The following PTPRK variants were observed in gnomAD, a reference collection of about 807,000 sequenced individuals.
PTPRK encodes receptor-type tyrosine-protein phosphatase kappa.
A neutral mutation model predicts 178.0 loss-of-function variants in PTPRK; 75 were observed. The observed-to-expected ratio is 0.42, with a 90% CI of 0.35 to 0.51. The LOEUF (loss-of-function observed/expected upper bound fraction) is 0.51. Among genes scored for constraint, PTPRK ranks in the 20% least tolerant of loss-of-function variants. PTPRK has a pLI of 0.02. For missense variants in PTPRK, 1,441 were observed against 1,797.8 expected, an observed-to-expected ratio of 0.80 and a Z score of 3.59; for synonymous variants, 637 against 620.6, an observed-to-expected ratio of 1.03 and a Z score of -0.39.
intron 6 of PTPRK, among the ~76,000 whole-genome samples, chr6:128,216,869 T>A (rs527940076): frequency 1.3e-5 from 2 of 152,232 alleles, no homozygotes; most frequent in South Asian, 4.2e-4. Flanking sequence ...TTTTGAGAAA[T>A]ACATCAAGAG....
At chr6:128,384,455 G>A (rs1197768430) in intron 2 of PTPRK, among the ~76,000 whole-genome samples, 1 of 151,936 alleles carries the variant, frequency 6.6e-6, no homozygotes, top group African/African-American at 2.4e-5. Flanking sequence ...AATCAGGGGT[G>A]TCCAATCTTT....
chr6:128,046,539 A>G (rs1163202611), intron 13 of PTPRK, among the ~76,000 whole-genome samples: 1 of 152,226 alleles, frequency 6.6e-6, no homozygotes, highest in African/African-American at 2.4e-5. Context: ...CCTTTAAAAA[A>G]AAGTGGTAAA....
chr6:128,285,880 T>C (rs1250630376), intron 3 of PTPRK, among the ~76,000 whole-genome samples: 22 of 152,090 alleles, frequency 1.4e-4, no homozygotes, highest in Non-Finnish European at 4.4e-5. Flanking sequence ...AGGTCATTCT[T>C]TATGACCTCA....
At chr6:128,131,749 C>T (rs1031479398) in intron 7 of PTPRK, among the ~76,000 whole-genome samples, 12 of 152,086 alleles carry the variant, frequency 7.9e-5, no homozygotes, top group Non-Finnish European at 1.8e-4. Context: ...TCTGTTTATA[C>T]GAAAGCATGA....
intron 7 of PTPRK, among the ~76,000 whole-genome samples, chr6:128,112,024 T>G (rs528306585): frequency 5.9e-5 from 9 of 152,166 alleles, no homozygotes; most frequent in African/African-American, 1.9e-4. Flanking sequence ...TTTCATGAAT[T>G]TATTCTTCTA....
At chr6:127,971,471 G>A (rs1030534043) in intron 29 of PTPRK, among the ~76,000 whole-genome samples, 1 of 152,068 alleles carries the variant, frequency 6.6e-6, no homozygotes, top group Non-Finnish European at 1.5e-5. Flanking sequence ...CCACTGTGGC[G>A]AGTGCATTCA....
At chr6:127,992,248 T>G (rs1020621066) in intron 19 of PTPRK, among the ~76,000 whole-genome samples, 1 of 151,814 alleles carries the variant, frequency 6.6e-6, no homozygotes, top group Admixed American at 6.6e-5. Flanking sequence ...CAGTCTTGAC[T>G]CGTCAAAAAA....
chr6:128,481,392 T>A (rs571605316), intron 1 of PTPRK, among the ~76,000 whole-genome samples: 1 of 152,308 alleles, frequency 6.6e-6, no homozygotes, highest in South Asian at 2.1e-4. Flanking sequence ...TTTACATTGA[T>A]GGATGTTTAC....
intron 3 of PTPRK, among the ~76,000 whole-genome samples, chr6:128,290,014 GA>G (rs1447287854): frequency 6.6e-6 from 1 of 152,020 alleles, no homozygotes; most frequent in African/African-American, 2.4e-5. Flanking sequence ...CAATCAGATG[GA>G]AAACCATTCC....
At chr6:128,086,460 A>G (rs1237308285) in intron 8 of PTPRK, among the ~76,000 whole-genome samples, 1 of 152,104 alleles carries the variant, frequency 6.6e-6, no homozygotes, top group Admixed American at 6.5e-5. Flanking sequence ...TAGAAATTCT[A>G]CCTTAGGGTT....
At chr6:128,499,241 T>C (rs998599294) in intron 1 of PTPRK, among the ~76,000 whole-genome samples, 2 of 152,242 alleles carry the variant, frequency 1.3e-5, no homozygotes, top group Non-Finnish European at 2.9e-5. Context: ...TCAACAGGAC[T>C]GATCTCTACA....
At chr6:127,990,737 C>A (rs770644247) in intron 21 of PTPRK, 32 bp downstream of exon 21, 1 of 1,424,186 alleles carries the variant, frequency 7.0e-7, no homozygotes. Flanking sequence ...GTTTTGATAT[C>A]ACTTTTTAAA....
At chr6:128,286,099 G>A (rs1822462561) in intron 3 of PTPRK, among the ~76,000 whole-genome samples, 1 of 151,904 alleles carries the variant, frequency 6.6e-6, no homozygotes, top group Admixed American at 6.6e-5. Context: ...CCTCTATTAT[G>A]CACCCTCCCC....
chr6:128,174,444 A>AC (rs750716280), intron 7 of PTPRK, among the ~76,000 whole-genome samples: 306 of 152,004 alleles, frequency 2.0e-3, no homozygotes, highest in Non-Finnish European at 2.9e-3. Flanking sequence ...ATACAGATAA[A>AC]ATAAACATAA....
chr6:128,379,526 T>C (rs1837574289), intron 2 of PTPRK, among the ~76,000 whole-genome samples: 2 of 152,182 alleles, frequency 1.3e-5, no homozygotes, highest in South Asian at 2.1e-4. Flanking sequence ...AAAGTCTTGA[T>C]TTTACCTTTA....
At chr6:128,092,164 T>C (rs1007094795) in intron 7 of PTPRK, among the ~76,000 whole-genome samples, 9 of 152,200 alleles carry the variant, frequency 5.9e-5, no homozygotes, top group Non-Finnish European at 1.2e-4. Context: ...TTAACTGATA[T>C]GGAAAAACAA....
chr6:128,269,233 C>T (rs915596829), intron 3 of PTPRK, among the ~76,000 whole-genome samples: 5 of 151,990 alleles, frequency 3.3e-5, no homozygotes, highest in African/African-American at 1.2e-4. Flanking sequence ...GGGTAGAATA[C>T]ATGGATCCTG....
At chr6:128,412,046 TG>T (rs1313592432) in intron 1 of PTPRK, among the ~76,000 whole-genome samples, 1 of 152,246 alleles carries the variant, frequency 6.6e-6, no homozygotes, top group African/African-American at 2.4e-5. Context: ...TCTGTATGTG[TG>T]TAAAATTATT....
chr6:128,194,342 T>C, intron 6 of PTPRK, among the ~76,000 whole-genome samples: 1 of 152,024 alleles, frequency 6.6e-6, no homozygotes, highest in Non-Finnish European at 1.5e-5. Context: ...CGCCTCAGCC[T>C]CCCAAAGTGC....
Sources: allele counts gnomAD v4.1 joint callset (sites outside exome capture counted in the v4.1 genomes callset), GRCh38; gene constraint gnomAD v4.1.1; transcripts MANE v1.5; gene names NCBI Gene and HGNC (gene_info 2026-07-23, HGNC 2026-07-21).